Variants in TMEM114 observed in about 807,000 individuals in gnomAD.
The protein encoded by TMEM114 is claudin-26.
TMEM114 carries 6 observed loss-of-function variants against 6.2 expected under a neutral mutation model. That is an observed-to-expected ratio of 0.97 (90% CI 0.53 to 1.91). The LOEUF (loss-of-function observed/expected upper bound fraction) is 1.91. TMEM114 is among the 40% of genes most tolerant of loss of function. The pLI, the probability that TMEM114 is intolerant of heterozygous loss-of-function variation, is 0.01. For missense variants in TMEM114, 218 were observed against 158.3 expected (o/e 1.38, Z -2.02); for synonymous variants, 104 against 73.0 (o/e 1.42, Z -2.16).
At chr16:8,547,368 C>A (rs1420044207) in intron 2 of TMEM114, among the ~76,000 whole-genome samples, 2 of 148,100 alleles carry the variant, frequency 1.4e-5, no homozygotes, top group South Asian at 4.4e-4. Context: ...CCTGAAGAGA[C>A]GCGCTTTCTT....
intron 2 of TMEM114, among the ~76,000 whole-genome samples, chr16:8,547,474 C>A (rs1323362222): frequency 6.6e-6 from 1 of 151,284 alleles, no homozygotes; most frequent in African/African-American, 2.4e-5. Context: ...CTCACTACAA[C>A]CTCTGCCTCC....
intron 2 of TMEM114, among the ~76,000 whole-genome samples, chr16:8,546,692 T>C (rs1367534316): frequency 2.0e-5 from 3 of 152,196 alleles, no homozygotes; most frequent in Non-Finnish European, 4.4e-5. Flanking sequence ...GCTAACCAGA[T>C]ACCCCTACCA....
chr16:8,582,253 C>T (rs1902178272), intron 2 of TMEM114, among the ~76,000 whole-genome samples: 1 of 151,568 alleles, frequency 6.6e-6, no homozygotes, highest in South Asian at 2.1e-4. Flanking sequence ...CCTGGCCTCT[C>T]TTATGGGCTC....
intron 2 of TMEM114, among the ~76,000 whole-genome samples, chr16:8,581,822 C>T (rs1407376790): frequency 6.6e-6 from 1 of 152,154 alleles, no homozygotes; most frequent in East Asian, 1.9e-4. Flanking sequence ...TTAATGGGCA[C>T]CTCAGAAAGG....
At chr16:8,585,945 G>A (rs1252467519) in intron 2 of TMEM114, among the ~76,000 whole-genome samples, 1 of 152,212 alleles carries the variant, frequency 6.6e-6, no homozygotes, top group Non-Finnish European at 1.5e-5. Flanking sequence ...TTAGCCCTAG[G>A]ACTGAGGGTG....
At chr16:8,539,979 G>T (rs1218440524) in intron 2 of TMEM114, among the ~76,000 whole-genome samples, 1 of 151,936 alleles carries the variant, frequency 6.6e-6, no homozygotes, top group African/African-American at 2.4e-5. Flanking sequence ...CACCATGCCT[G>T]GCTGATTTTT....
chr16:8,552,365 C>T (rs1352644028), intron 2 of TMEM114, among the ~76,000 whole-genome samples: 1 of 151,826 alleles, frequency 6.6e-6, no homozygotes. Context: ...GCCTGAACCA[C>T]AGAGTGAGAC....
At chr16:8,545,078 G>A (rs1440251040) in intron 2 of TMEM114, among the ~76,000 whole-genome samples, 1 of 152,014 alleles carries the variant, frequency 6.6e-6, no homozygotes, top group East Asian at 1.9e-4. Context: ...GTTTCATCAG[G>A]CCTATATTGC....
At chr16:8,574,832 C>T (rs187456934) in intron 2 of TMEM114, among the ~76,000 whole-genome samples, 24 of 152,276 alleles carry the variant, frequency 1.6e-4, no homozygotes, top group Middle Eastern at 3.4e-3. Context: ...TTCGATTAAA[C>T]GCCTGGGTAA....
intron 2 of TMEM114, among the ~76,000 whole-genome samples, chr16:8,554,681 G>C (rs1241306773): frequency 8.1e-6 from 1 of 123,112 alleles, no homozygotes; most frequent in Admixed American, 8.5e-5. Context: ...AGTGAGGCCA[G>C]GTTCAAAATC....
At chr16:8,541,049 G>A (rs932067480) in intron 2 of TMEM114, among the ~76,000 whole-genome samples, 34 of 133,858 alleles carry the variant, frequency 2.5e-4, no homozygotes, top group African/African-American at 7.3e-4. Context: ...GGCTGAGAGC[G>A]AAGTCTGGAC....
At chr16:8,555,537 G>A (rs966551249) in intron 2 of TMEM114, among the ~76,000 whole-genome samples, 1 of 152,178 alleles carries the variant, frequency 6.6e-6, no homozygotes, top group African/African-American at 2.4e-5. Flanking sequence ...TCATGGCAAT[G>A]GTAAACTGTC....
At chr16:8,554,267 G>A (rs991635955) in intron 2 of TMEM114, among the ~76,000 whole-genome samples, 2 of 141,952 alleles carry the variant, frequency 1.4e-5, no homozygotes, top group African/African-American at 5.3e-5. Flanking sequence ...GGGAAAAAAA[G>A]GGGTAGGGGC....
chr16:8,578,022 C>A (rs959008596), intron 2 of TMEM114, among the ~76,000 whole-genome samples: 1 of 152,140 alleles, frequency 6.6e-6, no homozygotes, highest in Non-Finnish European at 1.5e-5. Flanking sequence ...ATGGAGTTCA[C>A]AGATGGGCAC....
intron 2 of TMEM114, among the ~76,000 whole-genome samples, chr16:8,561,738 T>C (rs559406375): frequency 1.3e-5 from 2 of 151,682 alleles, no homozygotes; most frequent in East Asian, 1.9e-4. Flanking sequence ...AGGAAGGCAA[T>C]GAGTGGGGGA....
intron 2 of TMEM114, among the ~76,000 whole-genome samples, chr16:8,556,685 T>A (rs566547454): frequency 6.6e-6 from 1 of 152,152 alleles, no homozygotes; most frequent in Admixed American, 6.5e-5. Context: ...GTATTTTTAG[T>A]AGAGATGGGG....
chr16:8,539,406 C>A (rs903388690), intron 2 of TMEM114, among the ~76,000 whole-genome samples: 34 of 152,280 alleles, frequency 2.2e-4, no homozygotes, highest in Admixed American at 2.1e-3. Flanking sequence ...AGTGACTGCT[C>A]CAGCTCCGCA....
the TMEM114 span, among the ~76,000 whole-genome samples, chr16:8,528,681 C>T: frequency 7.9e-5 from 12 of 152,220 alleles, no homozygotes; most frequent in Admixed American, 6.5e-4. Flanking sequence ...CAGCTTTCAA[C>T]ATGATTTACA....
At position 8,572,074 on chromosome 16, in the gene TMEM114, G is replaced by T. The variant is rs555323011; in HGVS notation, c.439+13C>A. The T allele has an allele frequency of 2.0e-6, 3 of 1,533,912 alleles. No homozygotes were observed. Among genetic ancestry groups the T allele is most frequent in the South Asian group, 2.5e-5 (2 of 80,210 alleles). On this transcript the variant is annotated intron_variant, in intron 3 of 3. Coordinates refer to ENST00000620492, the MANE Select transcript of TMEM114 (RefSeq NM_001146336.2). ...GACCACAAGCCAGAGCCCTAGGCAG[G>T]GTGGGCACCTACCTCCAAAGAGGAA... is the stretch of plus-strand genomic sequence containing the variant.
Sources: gnomAD v4.1 joint callset for allele counts (sites outside exome capture counted in the v4.1 genomes callset) on GRCh38, gnomAD v4.1.1 for gene constraint, MANE v1.5 for transcripts, NCBI Gene and HGNC (gene_info 2026-07-23, HGNC 2026-07-21) for gene names.